Variants in SNRNP40 observed in about 807,000 individuals in gnomAD.
SNRNP40 encodes the protein U5 small nuclear ribonucleoprotein 40 kDa protein.
SNRNP40 carries 21 observed loss-of-function variants against 45.8 expected under a neutral mutation model. The ratio of observed to expected loss-of-function variants is 0.46; its 90% confidence interval spans 0.32 to 0.66. The LOEUF (loss-of-function observed/expected upper bound fraction) is 0.66, where lower values mean the gene tolerates loss of function less well. SNRNP40 is among the 30% of genes least tolerant of loss of function. The pLI is 0.03. For missense variants in SNRNP40, 344 were observed against 439.1 expected (o/e 0.78, Z 1.94); for synonymous variants, 142 against 163.8 (o/e 0.87, Z 1.01).
chr1:31,296,698 C>G lies in SNRNP40; in HGVS notation c.54G>C (p.Lys18Asn), dbSNP rs1176198200. The part of the protein sequence containing the change: ...KGPELPLVPV[K>N]RQRHELLLGA... The stretch of plus-strand genomic sequence containing the variant: ...CCAACAGCAACTCATGCCGCTGCCG[C>G]TTGACTGGAACCAGCGGCAACTCTG... Residue 18 changes from lysine to asparagine, a missense_variant, in exon 1 of 10, where the codon AAG becomes AAC. Lys to Asn is a moderately conservative substitution (Grantham distance 94). Transcript: ENST00000263694. 2.5e-6 allele frequency: 4 copies of G among 1,613,888 alleles called. No homozygotes were observed. Among genetic ancestry groups the G allele is most frequent in the South Asian group, 1.1e-5 (1 of 91,068 alleles).
chr1:31,265,992 T>C (rs1302511059), intron 8 of SNRNP40, among the ~76,000 whole-genome samples: 4 of 152,240 alleles, frequency 2.6e-5, no homozygotes, highest in African/African-American at 7.2e-5. Context: ...TAAAATTCTT[T>C]AGATTTCCCT....
chr1:31,290,441 C>A (rs1646096045), intron 3 of SNRNP40, among the ~76,000 whole-genome samples: 1 of 152,084 alleles, frequency 6.6e-6, no homozygotes, highest in African/African-American at 2.4e-5. Flanking sequence ...ACCAGACTAC[C>A]TAACAATGTA....
intron 1 of SNRNP40, 146 bp from the exon 2 acceptor site, chr1:31,293,494 T>C (rs1646121204): frequency 1.3e-6 from 1 of 752,820 alleles, no homozygotes; most frequent in Non-Finnish European, 2.1e-6. Flanking sequence ...TCTTCTCATA[T>C]GAATGCCTCC....
At chr1:31,279,424 C>T (rs1646000157) in intron 5 of SNRNP40, among the ~76,000 whole-genome samples, 1 of 152,194 alleles carries the variant, frequency 6.6e-6, no homozygotes, top group East Asian at 1.9e-4. Flanking sequence ...ATGATGATAA[C>T]AATATTATCA....
chr1:31,290,617 C>A (rs1029243483), intron 3 of SNRNP40, among the ~76,000 whole-genome samples: 5 of 152,182 alleles, frequency 3.3e-5, no homozygotes, highest in African/African-American at 9.7e-5. Context: ...GTGGCTCACA[C>A]TTGTAATCCC....
chr1:31,280,041 G>T (rs1404391825), intron 5 of SNRNP40, among the ~76,000 whole-genome samples: 1 of 144,844 alleles, frequency 6.9e-6, no homozygotes, highest in East Asian at 2.1e-4. Context: ...TGGGACCCAG[G>T]AGGCAGAGGT....
chr1:31,295,990 T>C (rs779529727), intron 1 of SNRNP40, among the ~76,000 whole-genome samples: 1 of 152,250 alleles, frequency 6.6e-6, no homozygotes, highest in Non-Finnish European at 1.5e-5. Context: ...AAAAATGTAG[T>C]TAGGAGCATG....
intron 1 of SNRNP40, among the ~76,000 whole-genome samples, 172 bp downstream of exon 1, chr1:31,296,439 C>G (rs1646159152): frequency 6.6e-6 from 1 of 152,236 alleles, no homozygotes; most frequent in African/African-American, 2.4e-5. Context: ...GGAACACGTA[C>G]GCAGCATTCG....
At chr1:31,282,135 G>A (rs752635085) in intron 4 of SNRNP40, 2 of 152,124 alleles carry the variant, frequency 1.3e-5, no homozygotes, top group Non-Finnish European at 2.9e-5. Flanking sequence ...CAACAGCTTT[G>A]AAGATAACCC....
At chr1:31,292,717 T>C (rs1431281637) in intron 2 of SNRNP40, 1 of 153,028 alleles carries the variant, frequency 6.5e-6, no homozygotes, top group Non-Finnish European at 1.5e-5. Flanking sequence ...AAAATGGGTA[T>C]GAGAAATTCT....
intron 1 of SNRNP40, among the ~76,000 whole-genome samples, chr1:31,294,096 T>C (rs774259566): frequency 1.1e-4 from 17 of 152,046 alleles, no homozygotes; most frequent in Non-Finnish European, 2.2e-4. Flanking sequence ...CAGCCAAGAT[T>C]ACAGGCATGC....
At chr1:31,272,422 A>T (rs911118894) in intron 5 of SNRNP40, among the ~76,000 whole-genome samples, 1 of 152,230 alleles carries the variant, frequency 6.6e-6, no homozygotes, top group Non-Finnish European at 1.5e-5. Flanking sequence ...TTATTAAATT[A>T]TGGTTCATAA....
chr1:31,285,294 A>G (rs986307069), intron 4 of SNRNP40, among the ~76,000 whole-genome samples: 2 of 142,484 alleles, frequency 1.4e-5, no homozygotes, highest in African/African-American at 2.6e-5. Context: ...CTCATTCTGG[A>G]GTGCAGTGGC....
intron 4 of SNRNP40, among the ~76,000 whole-genome samples, chr1:31,286,671 C>A (rs1359539661): frequency 6.6e-6 from 1 of 152,178 alleles, no homozygotes; most frequent in Non-Finnish European, 1.5e-5. Context: ...CCCATTAGGG[C>A]ACTGTTGGGC....
Position 31,291,933 on chromosome 1 carries a change from C to T in SNRNP40, c.345G>A (p.Leu115=). ...CTCACCTGCCATCTGTGTTGTAATG[C>T]AATTCCATCACTGCTCCACTGTGTC... ...LKGHSGAVME[L]HYNTDGSMLF... Residue 115 remains leucine, a synonymous_variant, in exon 3 of 10, where the codon TTG becomes TTA. Transcript: ENST00000263694. 6.2e-7 allele frequency: 1 copy of T among 1,610,246 alleles called. No homozygotes were observed. The highest frequency in any genetic ancestry group is 8.5e-7 in the Non-Finnish European group (1 of 1,176,446).
intron 5 of SNRNP40, among the ~76,000 whole-genome samples, chr1:31,280,140 A>C: frequency 1.4e-5 from 2 of 140,688 alleles, no homozygotes; most frequent in East Asian, 2.1e-4. Flanking sequence ...AAAAAGGACT[A>C]CCTTTAGACA....
chr1:31,289,329 G>T lies in SNRNP40; in HGVS notation c.456C>A (p.Ser152=), dbSNP rs1442962640. ...TGGCTGGATAACAGGAATTCACAAA[G>T]GAAGTATGTCCCTTTAGCCTTTTAA... ...ERVKRLKGHT[S]FVNSCYPARR... is the part of the protein sequence containing the mutation. Residue 152 remains serine, a synonymous_variant, in exon 4 of 10, where the codon TCC becomes TCA. Transcript: ENST00000263694. 1 of 1,614,034 alleles carries T rather than the reference G, an allele frequency of 6.2e-7. No individual in the cohort carries two copies. The highest frequency in any genetic ancestry group is 1.7e-5 in the Admixed American group (1 of 60,030).
rs1645848319 is a variant in SNRNP40, at chr1:31,260,129, A to G, written c.1025-8T>C. On this transcript the variant is annotated splice_region_variant and splice_polypyrimidine_tract_variant and intron_variant, in intron 9 of 9. Coordinates refer to ENST00000263694, the MANE Select transcript of SNRNP40 (RefSeq NM_004814.3). ...CACTCGATGCTGAGATAACTGAGGT[A>G]AAAAGAACAGATAACTAGAAATAAT... 6.3e-7 allele frequency: 1 copy of G among 1,575,994 alleles called. No homozygotes were observed. The highest frequency in any genetic ancestry group is 2.3e-5 in the East Asian group (1 of 44,260).
At chr1:31,292,988 G>C (rs1646117649) in intron 2 of SNRNP40, 4 of 527,442 alleles carry the variant, frequency 7.6e-6, no homozygotes, top group Admixed American at 6.7e-5. Context: ...TCTCAAACCA[G>C]AACAACTCAC....
Sources: allele counts gnomAD v4.1 joint callset (sites outside exome capture counted in the v4.1 genomes callset), GRCh38; gene constraint gnomAD v4.1.1; transcripts MANE v1.5; gene names NCBI Gene and HGNC (gene_info 2026-07-23, HGNC 2026-07-21).